The following MGAT5B variants were observed in gnomAD, a reference collection of about 807,000 sequenced individuals.
MGAT5B encodes alpha-1,6-mannosylglycoprotein 6-beta-N-acetylglucosaminyltransferase B, also known as N-acetylglucosaminyl-transferase Vb.
A neutral mutation model predicts 95.1 loss-of-function variants in MGAT5B; 54 were observed. The observed-to-expected ratio is 0.57, with a 90% CI of 0.46 to 0.71. The LOEUF is 0.71. Among genes scored for constraint, MGAT5B ranks in the 30% least tolerant of loss-of-function variants. The pLI, the probability that MGAT5B is intolerant of heterozygous loss-of-function variation, is 0.00. For missense variants in MGAT5B, 935 were observed against 1,088.6 expected (o/e 0.86, Z 1.99); for synonymous variants, 464 against 451.0 (o/e 1.03, Z -0.36).
At chr17:76,923,105 T>C (rs1047254520) in intron 8 of MGAT5B, among the ~76,000 whole-genome samples, 2 of 152,232 alleles carry the variant, frequency 1.3e-5, no homozygotes, top group African/African-American at 4.8e-5. Context: ...GGCACCACTT[T>C]GGACGGTGTG....
intron 2 of MGAT5B, among the ~76,000 whole-genome samples, chr17:76,881,535 TC>T (rs770570112): frequency 6.6e-6 from 1 of 152,140 alleles, no homozygotes; most frequent in Non-Finnish European, 1.5e-5. Flanking sequence ...GAACACAGGC[TC>T]CCAACTTCCC....
At chr17:76,893,803 G>A (rs903229419) in intron 3 of MGAT5B, among the ~76,000 whole-genome samples, 3 of 152,198 alleles carry the variant, frequency 2.0e-5, no homozygotes, top group Non-Finnish European at 4.4e-5. Context: ...CCATCCCCCA[G>A]GATGTCACTT....
At chr17:76,890,070 C>A (rs895193640) in intron 3 of MGAT5B, among the ~76,000 whole-genome samples, 9 of 152,266 alleles carry the variant, frequency 5.9e-5, no homozygotes, top group Admixed American at 3.9e-4. Context: ...ACTACAGGAT[C>A]ATGTGCCATG....
rs1219100204 is a variant in MGAT5B, at chr17:76,938,206, C to T, written c.1584+63C>T. On this transcript the variant is annotated intron_variant, in intron 13 of 17. Coordinates refer to ENST00000569840, the MANE Select transcript of MGAT5B (RefSeq NM_001199172.2). The surrounding 1 kb of genome is among the most constrained non-coding windows in gnomAD (Gnocchi z 4.3). ...GGCTGCAGACACTGAGGTCACCACC[C>T]ATGCCTGCCACCACCACTCAGGCCC... The T allele has an allele frequency of 1.3e-6, 2 of 1,580,668 alleles. No homozygotes were observed. The highest frequency in any genetic ancestry group is 1.3e-5 in the African/African-American group (1 of 74,406).
At position 76,938,379 on chromosome 17, in the gene MGAT5B, C is replaced by T. The variant is rs1370828683; in HGVS notation, c.1584+236C>T. ...GGCAGGGCCAGCAGAGCAGCAGAGC[C>T]GTGGCTCAGTGATGGGGAAGTAGAG... On this transcript the variant is annotated intron_variant, in intron 13 of 17. Coordinates refer to ENST00000569840, the MANE Select transcript of MGAT5B (RefSeq NM_001199172.2). The surrounding 1 kb of genome is among the most constrained non-coding windows in gnomAD (Gnocchi z 4.3). Among the ~76,000 whole-genome samples the T allele has an allele frequency of 2.6e-5, 4 of 152,336 alleles. No homozygotes were observed. Among genetic ancestry groups the T allele is most frequent in the South Asian group, 4.1e-4 (2 of 4,832 alleles).
chr17:76,921,810 T>A (rs959353983), intron 8 of MGAT5B, among the ~76,000 whole-genome samples: 10 of 152,208 alleles, frequency 6.6e-5, no homozygotes, highest in Admixed American at 6.5e-4. Context: ...CCAGCTCTGC[T>A]CCTTCCTGGC....
chr17:76,878,283 G>C (rs1967269731), intron 2 of MGAT5B, among the ~76,000 whole-genome samples: 1 of 152,200 alleles, frequency 6.6e-6, no homozygotes, highest in Non-Finnish European at 1.5e-5. Context: ...TGTCTCCCCA[G>C]GTCTCAGGGG....
chr17:76,926,871 C>A, intron 10 of MGAT5B, 141 bp downstream of exon 10: 1 of 1,021,252 alleles, frequency 9.8e-7, no homozygotes, highest in Non-Finnish European at 1.4e-6. Context: ...GCAAGCATCG[C>A]CTTCTCCTGC....
chr17:76,941,227 C>G (rs1046001490), intron 15 of MGAT5B, among the ~76,000 whole-genome samples: 6 of 152,262 alleles, frequency 3.9e-5, no homozygotes, highest in African/African-American at 1.4e-4. Flanking sequence ...GGCTTTGCAG[C>G]CTTTACACAG....
chr17:76,877,683 G>A (rs866929444), intron 2 of MGAT5B, among the ~76,000 whole-genome samples: 2 of 152,306 alleles, frequency 1.3e-5, no homozygotes, highest in African/African-American at 4.8e-5. Context: ...TGCGGTGAGC[G>A]AGTACAGAGA....
At chr17:76,904,611 T>C (rs573206996) in intron 6 of MGAT5B, among the ~76,000 whole-genome samples, 189 bp downstream of exon 6, 1 of 152,214 alleles carries the variant, frequency 6.6e-6, no homozygotes, top group Non-Finnish European at 1.5e-5. Flanking sequence ...TTCTTTGAGA[T>C]GCCACCAAGC....
chr17:76,902,768 G>A (rs1395695120), intron 4 of MGAT5B, 98 bp downstream of exon 4: 18 of 908,012 alleles, frequency 2.0e-5, no homozygotes, highest in African/African-American at 5.0e-5. Flanking sequence ...GGGTGTGGCC[G>A]ACTTCTCCTG....
At chr17:76,935,911 AT>A (rs1249781969) in intron 12 of MGAT5B, among the ~76,000 whole-genome samples, 3 of 139,566 alleles carry the variant, frequency 2.1e-5, no homozygotes, top group Admixed American at 7.8e-5. Context: ...TACATTATAT[AT>A]ATTATATATT....
chr17:76,931,633 G>A lies in MGAT5B; in HGVS notation c.1292-1012G>A, dbSNP rs78521609. On this transcript the variant is annotated intron_variant, in intron 10 of 17. Coordinates refer to ENST00000569840, the MANE Select transcript of MGAT5B (RefSeq NM_001199172.2). ...ATGGAGGCAGAGCCTGGTGATTGTC[G>A]GGCGGACTTTGGCATATGGGGTTTT... Among the ~76,000 whole-genome samples, 941 of 130,744 alleles carry A rather than the reference G, an allele frequency of 7.2e-3. 18 individuals carry two copies. Among genetic ancestry groups the A allele is most frequent in the African/African-American group, 0.023 (861 of 37,540 alleles). The allele number at this position is 130,744 out of a possible 152,430, so 85.8% of individuals were successfully genotyped here. A position where few individuals can be genotyped will look rare whatever the true frequency, so the allele number is the denominator to read the frequency against.
chr17:76,902,849 C>T (rs1160240019), intron 4 of MGAT5B, among the ~76,000 whole-genome samples, 179 bp downstream of exon 4: 2 of 152,052 alleles, frequency 1.3e-5, no homozygotes, highest in Admixed American at 6.5e-5. Context: ...TTCACTCCCT[C>T]GACCCGGCAG....
rs1180505138 is a variant in MGAT5B at position 76,916,371 on chromosome 17, C to A, written c.1026-8595C>A. On this transcript the variant is annotated intron_variant, in intron 8 of 17. Coordinates refer to ENST00000569840, the MANE Select transcript of MGAT5B (RefSeq NM_001199172.2). This position sits in a 1 kb window ranked among gnomAD's most constrained non-coding sequence, Gnocchi z 5.3. ...GACCGATGGAGGCCGTGCCGTGTCGCCTTTCCCAGCTCTGGCCTGGCCTGT... is the reference window on the plus strand; with the variant it reads ...GACCGATGGAGGCCGTGCCGTGTCGACTTTCCCAGCTCTGGCCTGGCCTGT... Among the ~76,000 whole-genome samples, 1 of 152,244 alleles carries A rather than the reference C, an allele frequency of 6.6e-6. No individual in the cohort carries two copies. The highest frequency in any genetic ancestry group is 1.5e-5 in the Non-Finnish European group (1 of 68,034).
At chr17:76,929,683 A>C (rs1969421911) in intron 10 of MGAT5B, among the ~76,000 whole-genome samples, 1 of 152,166 alleles carries the variant, frequency 6.6e-6, no homozygotes, top group Non-Finnish European at 1.5e-5. Flanking sequence ...GGCCAGTTTT[A>C]ATGGCACAGA....
At chr17:76,936,825 A>G (rs78487201) in intron 12 of MGAT5B, among the ~76,000 whole-genome samples, 27,067 of 152,092 alleles carry the variant, frequency 0.18, 2,604 homozygotes, top group East Asian at 0.4. Flanking sequence ...CCAATACCAC[A>G]CTATCTGGAT....
chr17:76,899,963 C>T (rs1477496141), intron 3 of MGAT5B, among the ~76,000 whole-genome samples: 3 of 152,202 alleles, frequency 2.0e-5, no homozygotes, highest in African/African-American at 4.8e-5. Flanking sequence ...CTGCTTCAAC[C>T]ACATCAATAT....
Sources: allele counts gnomAD v4.1 joint callset (sites outside exome capture counted in the v4.1 genomes callset), GRCh38; gene constraint gnomAD v4.1.1; non-coding constraint Gnocchi (gnomAD v3.1); transcripts MANE v1.5; gene names NCBI Gene and HGNC (gene_info 2026-07-23, HGNC 2026-07-21).